Variants in FHIT observed in about 807,000 individuals in gnomAD.
The protein encoded by FHIT is fragile histidine triad diadenosine triphosphatase, also known as bis(5'-adenosyl)-triphosphatase.
A neutral mutation model predicts 17.9 loss-of-function variants in FHIT; 19 were observed. That is an observed-to-expected ratio of 1.06 (90% CI 0.74 to 1.56). The LOEUF (loss-of-function observed/expected upper bound fraction) is 1.56, where lower values mean the gene tolerates loss of function less well. FHIT is among the 40% of genes most tolerant of loss of function. The probability of loss-of-function intolerance (pLI) is 0.00; values close to 1 mark genes in which losing one functional copy is unlikely to be tolerated. For missense variants in FHIT, 248 were observed against 189.2 expected (o/e 1.31, Z -1.82); for synonymous variants, 81 against 69.7 (o/e 1.16, Z -0.81).
At chr3:60,065,151 T>G (rs3856666) in intron 5 of FHIT, among the ~76,000 whole-genome samples, 45 of 152,090 alleles carry the variant, frequency 3.0e-4, no homozygotes, top group Non-Finnish European at 5.6e-4. Context: ...ACTAGGAAGT[T>G]TGGAAAAATG....
chr3:60,655,797 A>C (rs768723280), intron 4 of FHIT, among the ~76,000 whole-genome samples: 8 of 152,308 alleles, frequency 5.3e-5, no homozygotes, highest in Non-Finnish European at 1.2e-4. Flanking sequence ...ATTTGATGTT[A>C]ATATCACAGA....
chr3:60,343,889 G>C (rs961996766), intron 5 of FHIT, among the ~76,000 whole-genome samples: 4 of 152,104 alleles, frequency 2.6e-5, no homozygotes, highest in Admixed American at 6.5e-5. Context: ...CATGCTTTTG[G>C]TGGCTCATGT....
intron 2 of FHIT, among the ~76,000 whole-genome samples, chr3:61,096,375 G>T (rs914361573): frequency 2.0e-5 from 3 of 152,188 alleles, no homozygotes; most frequent in Non-Finnish European, 2.9e-5. Context: ...TAAGGTCAGT[G>T]GTCCTAAGGA....
In FHIT at chr3:60,176,353, A is replaced by AAACAAC. The variant is rs113365319; in HGVS notation, c.104-162207_104-162202dup. On this transcript the variant is annotated intron_variant, in intron 5 of 9. Coordinates refer to ENST00000492590, the MANE Select transcript of FHIT (RefSeq NM_002012.4). ...GGTGACAGAGTGAGACTCCATCTCA[A>AAACAAC]AACAACAACAACAACAACAAAAGCC... Among the ~76,000 whole-genome samples the AAACAAC allele has an allele frequency of 8.3e-3, 1,264 of 152,216 alleles. 23 individuals carry two copies. The highest frequency in any genetic ancestry group is 0.029 in the African/African-American group (1,214 of 41,526).
At chr3:60,165,910 C>A (rs189640440) in intron 5 of FHIT, among the ~76,000 whole-genome samples, 1 of 152,222 alleles carries the variant, frequency 6.6e-6, no homozygotes, top group Non-Finnish European at 1.5e-5. Flanking sequence ...TGATACCTTA[C>A]AGCAACTTCT....
At chr3:60,247,636 T>C in intron 5 of FHIT, among the ~76,000 whole-genome samples, 1 of 152,104 alleles carries the variant, frequency 6.6e-6, no homozygotes, top group East Asian at 1.9e-4. Context: ...AACTTATGAG[T>C]CTCACATTTA....
intron 8 of FHIT, among the ~76,000 whole-genome samples, chr3:59,785,638 G>A (rs1315747977): frequency 1.3e-5 from 2 of 152,088 alleles, no homozygotes; most frequent in African/African-American, 2.4e-5. Flanking sequence ...CTTTTTCAGT[G>A]CATGTATTCA....
At chr3:61,206,827 T>C (rs184148925) in intron 1 of FHIT, among the ~76,000 whole-genome samples, 1 of 152,292 alleles carries the variant, frequency 6.6e-6, no homozygotes, top group Non-Finnish European at 1.5e-5. Context: ...TCCTGCCTGA[T>C]TGCCCTGGAC....
intron 4 of FHIT, among the ~76,000 whole-genome samples, chr3:60,711,961 C>T (rs1380177921): frequency 2.8e-4 from 42 of 152,072 alleles, no homozygotes; most frequent in Non-Finnish European, 5.6e-4. Flanking sequence ...AACTCCAAGA[C>T]ACATAATTGT....
intron 3 of FHIT, among the ~76,000 whole-genome samples, chr3:61,012,134 A>G (rs1486825092): frequency 5.3e-5 from 8 of 152,206 alleles, no homozygotes; most frequent in Non-Finnish European, 4.4e-5. Context: ...ATTAAAAATC[A>G]TATTTGCAGA....
chr3:60,795,292 G>A (rs1277328601), intron 4 of FHIT, among the ~76,000 whole-genome samples: 1 of 152,132 alleles, frequency 6.6e-6, no homozygotes, highest in Non-Finnish European at 1.5e-5. Flanking sequence ...GCTTCTGAAA[G>A]CATAAAGACC....
intron 1 of FHIT, among the ~76,000 whole-genome samples, chr3:61,226,001 T>A (rs2039962112): frequency 6.6e-6 from 1 of 152,224 alleles, no homozygotes. Flanking sequence ...TTTCTTCTGA[T>A]ACAAAACTCA....
intron 5 of FHIT, among the ~76,000 whole-genome samples, chr3:60,289,796 G>C (rs867454514): frequency 6.7e-6 from 1 of 149,742 alleles, no homozygotes; most frequent in Middle Eastern, 3.4e-3. Flanking sequence ...AAGAAGGAAT[G>C]AGAGTGTAGC....
chr3:60,707,879 T>C (rs1284729241), intron 4 of FHIT, among the ~76,000 whole-genome samples: 4 of 152,186 alleles, frequency 2.6e-5, no homozygotes, highest in African/African-American at 9.7e-5. Flanking sequence ...CTGACATTAG[T>C]TTGGGTATAC....
Position 60,863,321 on chromosome 3 carries a change from T to C in FHIT, c.-110-41310A>G, listed in dbSNP as rs577457947. Among the ~76,000 whole-genome samples the C allele has an allele frequency of 3.1e-4, 47 of 152,232 alleles. No homozygotes were observed. In the East Asian group the frequency reaches 7.3e-3, roughly 24 times the overall value. ...TTTGGAAGTTGGTTTTTCTGCAGTC[T>C]CCAGTAAGAAACACAGCGCTGCTGA... On this transcript the variant is annotated intron_variant, in intron 3 of 9. Transcript: ENST00000492590.
At chr3:59,859,299 G>A (rs986696381) in intron 8 of FHIT, among the ~76,000 whole-genome samples, 1 of 152,172 alleles carries the variant, frequency 6.6e-6, no homozygotes, top group South Asian at 2.1e-4. Flanking sequence ...AAGATGGCAT[G>A]GAAGAATACA....
chr3:60,553,334 G>A lies in FHIT; in HGVS notation c.-17-16355C>T, dbSNP rs979446040. 3 of 883,498 alleles carry A rather than the reference G, an allele frequency of 3.4e-6. No individual in the cohort carries two copies. The African/African-American group carries it at 5.5e-5, about 16-fold the overall frequency. 54.7% of individuals were successfully genotyped at this position (883,498 alleles called of 1,614,324 possible). A position where few individuals can be genotyped will look rare whatever the true frequency, so the allele number is the denominator to read the frequency against. Reference sequence around the variant, plus strand: ...TGTAGTTTCTAAGAAACCTACCTATGACTCAAGTGAGGACTTGTGTTTTTA... The same window carrying A: ...TGTAGTTTCTAAGAAACCTACCTATAACTCAAGTGAGGACTTGTGTTTTTA... On this transcript the variant is annotated intron_variant, in intron 4 of 9. Transcript: ENST00000492590.
At chr3:60,753,374 T>G (rs188398618) in intron 4 of FHIT, among the ~76,000 whole-genome samples, 2 of 152,250 alleles carry the variant, frequency 1.3e-5, no homozygotes, top group Admixed American at 1.3e-4. Flanking sequence ...AACAGAAACA[T>G]TCATGTCCAG....
intron 1 of FHIT, among the ~76,000 whole-genome samples, chr3:61,215,234 G>C (rs1411157501): frequency 6.6e-6 from 1 of 151,950 alleles, no homozygotes; most frequent in African/African-American, 2.4e-5. Flanking sequence ...CCTGTTTGCA[G>C]ATGACATGAT....
Sources: allele counts gnomAD v4.1 joint callset (sites outside exome capture counted in the v4.1 genomes callset), GRCh38; gene constraint gnomAD v4.1.1; transcripts MANE v1.5; gene names NCBI Gene and HGNC (gene_info 2026-07-23, HGNC 2026-07-21).